The following KIN variants were observed in gnomAD, a reference collection of about 807,000 sequenced individuals.
KIN encodes DNA/RNA-binding protein KIN17.
In KIN, 47 loss-of-function variants were observed where a neutral mutation model predicts 63.0. The ratio of observed to expected loss-of-function variants is 0.75; its 90% CI spans 0.59 to 0.95. The LOEUF (loss-of-function observed/expected upper bound fraction) is 0.95, where lower values mean the gene tolerates loss of function less well. Among genes scored for constraint, KIN ranks in the 40% least tolerant of loss-of-function variants. The pLI, the probability that KIN is intolerant of heterozygous loss-of-function variation, is 0.00. For synonymous variants in KIN, 160 were observed against 157.7 expected, an observed-to-expected ratio of 1.01 and a Z score of -0.11; for missense variants, 408 against 460.9, an observed-to-expected ratio of 0.89 and a Z score of 1.05.
chr10:7,751,318 A>C lies in KIN; in HGVS notation c.*4762T>G, dbSNP rs1002269311. Reference sequence around the variant, plus strand: ...AAAATCATTTTTCATTGTAGAGGCAAAACTCTTTTTTTGGACATATCCAAC... The same window carrying C: ...AAAATCATTTTTCATTGTAGAGGCACAACTCTTTTTTTGGACATATCCAAC... On this transcript the variant is annotated 3_prime_UTR_variant, in exon 13 of 13. Transcript: ENST00000379562. The C allele has an allele frequency of 6.6e-6, 1 of 152,244 alleles. No individual in the cohort carries two copies. The highest frequency in any genetic ancestry group is 1.5e-5 in the Non-Finnish European group (1 of 68,036). 9.4% of individuals were successfully genotyped at this position (152,244 alleles called of 1,614,324 possible).
At chr10:7,763,208 A>G (rs1835471520) in intron 10 of KIN, among the ~76,000 whole-genome samples, 1 of 152,186 alleles carries the variant, frequency 6.6e-6, no homozygotes, top group Non-Finnish European at 1.5e-5. Context: ...ATGAGCTGAG[A>G]TCGCACCACT....
chr10:7,752,726 C>T lies in KIN; in HGVS notation c.*3354G>A, dbSNP rs1835261925. Reference sequence around the variant, plus strand: ...CATTCAGACAATAGAATATGCAGTGCTAAAATGAAGTGCGCTATCGAGCCA... The same window carrying T: ...CATTCAGACAATAGAATATGCAGTGTTAAAATGAAGTGCGCTATCGAGCCA... On this transcript the variant is annotated 3_prime_UTR_variant, in exon 13 of 13. Transcript: ENST00000379562. The T allele has an allele frequency of 6.6e-6, 1 of 152,162 alleles. No homozygotes were observed. Among genetic ancestry groups the T allele is most frequent in the South Asian group, 2.1e-4 (1 of 4,830 alleles). 9.4% of individuals were successfully genotyped at this position (152,162 alleles called of 1,614,324 possible).
At chr10:7,764,814 G>C (rs941831175) in intron 9 of KIN, among the ~76,000 whole-genome samples, 1 of 152,084 alleles carries the variant, frequency 6.6e-6, no homozygotes, top group Non-Finnish European at 1.5e-5. Flanking sequence ...GTACTTATTG[G>C]CCCTTATCCA....
At chr10:7,779,072 A>C in intron 4 of KIN, 53 bp from the exon 5 acceptor site, 1 of 1,564,106 alleles carries the variant, frequency 6.4e-7, no homozygotes, top group East Asian at 2.2e-5. Flanking sequence ...GCAAAACATA[A>C]ATATGAATGT....
chr10:7,772,697 AT>A (rs1388861608), intron 7 of KIN, among the ~76,000 whole-genome samples: 1 of 152,258 alleles, frequency 6.6e-6, no homozygotes, highest in Non-Finnish European at 1.5e-5. Context: ...CTACATTCTT[AT>A]ACAAATATTG....
intron 1 of KIN, among the ~76,000 whole-genome samples, chr10:7,784,926 T>C (rs1211211335): frequency 6.6e-6 from 1 of 152,170 alleles, no homozygotes. Flanking sequence ...CCTTATATGA[T>C]GCTATATGAG....
chr10:7,779,016 A>G lies in KIN; in HGVS notation c.380T>C (p.Leu127Ser), dbSNP rs1564323695. The G allele has an allele frequency of 1.2e-6, 2 of 1,603,200 alleles. No individual in the cohort carries two copies. Among genetic ancestry groups the G allele is most frequent in the Non-Finnish European group, 1.7e-6 (2 of 1,176,620 alleles). The change falls in exon 5 of 13, where the codon TTG becomes TCG. Residue 127 changes from leucine to serine, a missense_variant. Physicochemically the swap from Leu to Ser is moderately radical, Grantham distance 145. Coordinates refer to ENST00000379562, the MANE Select transcript of KIN (RefSeq NM_012311.4). ...DFTKWLGREG[L>S]CKVDETPKGW... ...TTTTGGTGTCTCGTCCACTTTGCAC[A>G]AGCCTTAAAAAAACAGCCACTGCCA...
intron 12 of KIN, among the ~76,000 whole-genome samples, chr10:7,757,665 C>T (rs1835358531): frequency 6.6e-6 from 1 of 151,950 alleles, no homozygotes; most frequent in South Asian, 2.1e-4. Context: ...TTTTTTACTG[C>T]TTCCCTTCAC....
At chr10:7,787,793 A>T in intron 1 of KIN, 27 bp downstream of exon 1, 1 of 1,539,622 alleles carries the variant, frequency 6.5e-7, no homozygotes, top group Non-Finnish European at 9.0e-7. Context: ...CCTCCTGGGA[A>T]GACGGGGCCA....
Position 7,751,933 on chromosome 10 carries a change from G to GT in KIN, c.*4146_*4147insA. 1 of 28,638 alleles carries GT rather than the reference G, an allele frequency of 3.5e-5. No homozygotes were observed. Among genetic ancestry groups the GT allele is most frequent in the African/African-American group, 1.4e-4 (1 of 6,960 alleles). The allele number at this position is 28,638 out of a possible 1,614,324, so 1.8% of individuals were successfully genotyped here. A position where few individuals can be genotyped will look rare whatever the true frequency, so the allele number is the denominator to read the frequency against. On this transcript the variant is annotated 3_prime_UTR_variant, in exon 13 of 13. Coordinates refer to ENST00000379562, the MANE Select transcript of KIN (RefSeq NM_012311.4). ...GCCTGTAGTCCCAGCTACTCGGGAGGCTGAGGCAGGAGAATGGCGTGAACC... is the reference window on the plus strand; with the variant it reads ...GCCTGTAGTCCCAGCTACTCGGGAGGTCTGAGGCAGGAGAATGGCGTGAACC...
At chr10:7,768,998 C>A (rs1344836848) in intron 8 of KIN, among the ~76,000 whole-genome samples, 1 of 152,104 alleles carries the variant, frequency 6.6e-6, no homozygotes, top group Non-Finnish European at 1.5e-5. Context: ...GCCTGGGCAA[C>A]AGAGTGAGAC....
intron 7 of KIN, among the ~76,000 whole-genome samples, chr10:7,771,392 A>G: frequency 6.6e-6 from 1 of 152,072 alleles, no homozygotes; most frequent in Non-Finnish European, 1.5e-5. Context: ...TTATTAATCT[A>G]TTGTTTTCTA....
chr10:7,763,871 T>C (rs573058814), intron 9 of KIN, 80 bp from the exon 10 acceptor site: 3 of 703,566 alleles, frequency 4.3e-6, no homozygotes, highest in African/African-American at 1.9e-5. Flanking sequence ...TAAACTATGT[T>C]CACCCAAAAC....
Position 7,778,890 on chromosome 10 carries a change from G to A in KIN, c.506C>T (p.Thr169Ile), listed in dbSNP as rs1564323485. The change falls in exon 5 of 13, where the codon ACT becomes ATT. Residue 169 changes from threonine (T) to isoleucine (I), a missense_variant. Physicochemically the swap from Thr to Ile is moderately conservative, Grantham distance 89. Around this residue, in one of 2 missense-constraint regions of KIN, gnomAD observed 298 missense variants for 296.0 expected, o/e 1.01. Transcript: ENST00000379562. Reference sequence around the variant, plus strand: ...CACTTGCTCTTCAATAAATTTGGCAGTTTTTTCTTCATCATCAAGGTCCTG... The same window carrying A: ...CACTTGCTCTTCAATAAATTTGGCAATTTTTTCTTCATCATCAAGGTCCTG... ...KKQDLDDEEKTAKFIEEQVRR... is the reference protein window; with the variant it reads ...KKQDLDDEEKIAKFIEEQVRR... 6.2e-7 allele frequency: 1 copy of A among 1,614,094 alleles called. No homozygotes were observed. The highest frequency in any genetic ancestry group is 1.7e-5 in the Admixed American group (1 of 60,012).
chr10:7,753,235 G>C lies in KIN; in HGVS notation c.*2845C>G, dbSNP rs975320825. Reference sequence around the variant, plus strand: ...TTTTATGCTTCAGATATTTTTTATTGAATTTAACCTCAAGTATGCTGCCTC... The same window carrying C: ...TTTTATGCTTCAGATATTTTTTATTCAATTTAACCTCAAGTATGCTGCCTC... On this transcript the variant is annotated 3_prime_UTR_variant, in exon 13 of 13. Transcript: ENST00000379562. The C allele has an allele frequency of 6.6e-6, 1 of 152,108 alleles. No individual in the cohort carries two copies. The highest frequency in any genetic ancestry group is 2.4e-5 in the African/African-American group (1 of 41,422). The allele number at this position is 152,108 out of a possible 1,614,324, so 9.4% of individuals were successfully genotyped here. A position where few individuals can be genotyped will look rare whatever the true frequency, so the allele number is the denominator to read the frequency against.
intron 11 of KIN, chr10:7,761,103 A>AACATAAATTTTTCTAATCT: frequency 6.6e-6 from 1 of 152,366 alleles, no homozygotes; most frequent in East Asian, 1.9e-4. Flanking sequence ...GGGAGGGATT[A>AACATAAATTTTTCTAATCT]GAGAGGGAAA....
chr10:7,776,152 C>A (rs1038269073), intron 5 of KIN, among the ~76,000 whole-genome samples: 1 of 148,290 alleles, frequency 6.7e-6, no homozygotes, highest in Non-Finnish European at 1.5e-5. Context: ...ATCACGTGAA[C>A]CCGGGAGGCA....
At chr10:7,766,636 A>G (rs1402530298) in intron 8 of KIN, among the ~76,000 whole-genome samples, 2 of 152,126 alleles carry the variant, frequency 1.3e-5, no homozygotes, top group Non-Finnish European at 2.9e-5. Context: ...TGGCGAAAAT[A>G]TCGAATCTTT....
At chr10:7,782,064 A>T (rs1312553370) in intron 2 of KIN, among the ~76,000 whole-genome samples, 1 of 152,156 alleles carries the variant, frequency 6.6e-6, no homozygotes, top group Non-Finnish European at 1.5e-5. Context: ...CGTCTCAATA[A>T]TAATAACAAT....
Sources: gnomAD v4.1 joint callset for allele counts (sites outside exome capture counted in the v4.1 genomes callset) on GRCh38, gnomAD v4.1.1 for gene constraint, gnomAD v4.1.1 regional missense constraint, MANE v1.5 for transcripts, NCBI Gene and HGNC (gene_info 2026-07-23, HGNC 2026-07-21) for gene names.